POU6F2: variants seen among roughly 807,000 people sequenced by gnomAD.
POU6F2 encodes POU domain, class 6, transcription factor 2.
A neutral mutation model predicts 71.3 loss-of-function variants in POU6F2; 31 were observed. The ratio of observed to expected loss-of-function variants is 0.43; its 90% CI spans 0.33 to 0.59. POU6F2 has a LOEUF of 0.59. Among genes scored for constraint, POU6F2 ranks in the 20% least tolerant of loss-of-function variants. POU6F2 has a pLI of 0.04. For missense variants in POU6F2, 783 were observed against 856.8 expected, an observed-to-expected ratio of 0.91 and a Z score of 1.07; for synonymous variants, 347 against 355.7, an observed-to-expected ratio of 0.98 and a Z score of 0.27.
At chr7:39,319,439 C>T (rs1413806533) in intron 4 of POU6F2, among the ~76,000 whole-genome samples, 1 of 152,102 alleles carries the variant, frequency 6.6e-6, no homozygotes, top group Non-Finnish European at 1.5e-5. Flanking sequence ...TTGGAAACCT[C>T]CCAATCCTGG....
chr7:39,087,798 T>C (rs1053887779), intron 2 of POU6F2, among the ~76,000 whole-genome samples: 1 of 152,208 alleles, frequency 6.6e-6, no homozygotes, highest in African/African-American at 2.4e-5. Context: ...ACTTGTTTTC[T>C]TTCAAGTAAT....
At chr7:39,169,990 C>T (rs1584580274) in intron 2 of POU6F2, among the ~76,000 whole-genome samples, 1 of 152,148 alleles carries the variant, frequency 6.6e-6, no homozygotes, top group African/African-American at 2.4e-5. Flanking sequence ...CGAGACCAGC[C>T]TGGCCAACAT....
At chr7:39,020,468 G>C (rs1389421732) in intron 1 of POU6F2, among the ~76,000 whole-genome samples, 2 of 152,058 alleles carry the variant, frequency 1.3e-5, no homozygotes, top group African/African-American at 4.8e-5. Context: ...GGGCTAAATG[G>C]TATTTCTTCT....
At chr7:39,204,614 C>T (rs534566279) in intron 3 of POU6F2, among the ~76,000 whole-genome samples, 32 of 151,490 alleles carry the variant, frequency 2.1e-4, no homozygotes, top group South Asian at 4.2e-4. Flanking sequence ...TGTTGGTTAC[C>T]GTGCAGTTTC....
chr7:39,178,410 G>A (rs1793371917), intron 2 of POU6F2, among the ~76,000 whole-genome samples: 1 of 151,816 alleles, frequency 6.6e-6, no homozygotes, highest in Non-Finnish European at 1.5e-5. Flanking sequence ...TCTATAATTT[G>A]ATTATAAAAG....
At chr7:39,398,282 A>C (rs1787219855) in intron 5 of POU6F2, among the ~76,000 whole-genome samples, 1 of 152,156 alleles carries the variant, frequency 6.6e-6, no homozygotes, top group Non-Finnish European at 1.5e-5. Flanking sequence ...AAGTAAGTGA[A>C]TAATATAATA....
intron 1 of POU6F2, among the ~76,000 whole-genome samples, chr7:39,028,345 T>G (rs1475863230): frequency 6.6e-6 from 1 of 152,148 alleles, no homozygotes. Flanking sequence ...TTTAAAACTA[T>G]TTCATGTTTG....
intron 2 of POU6F2, among the ~76,000 whole-genome samples, chr7:39,200,715 T>G (rs923949544): frequency 3.3e-5 from 5 of 152,202 alleles, no homozygotes; most frequent in Middle Eastern, 3.4e-3. Flanking sequence ...ATTATTAGAT[T>G]AAATACAATT....
chr7:39,376,853 T>C (rs568994086), intron 5 of POU6F2, among the ~76,000 whole-genome samples: 1 of 151,108 alleles, frequency 6.6e-6, no homozygotes, highest in Non-Finnish European at 1.5e-5. Context: ...TATTTTAATA[T>C]TACTTTAGTA....
intron 7 of POU6F2, among the ~76,000 whole-genome samples, chr7:39,449,192 G>T (rs1324405724): frequency 1.3e-5 from 2 of 152,182 alleles, no homozygotes; most frequent in Non-Finnish European, 2.9e-5. Flanking sequence ...CTGCACTATG[G>T]GGTGGGAGCC....
chr7:39,410,619 T>C (rs969931212), intron 6 of POU6F2, among the ~76,000 whole-genome samples: 5 of 152,192 alleles, frequency 3.3e-5, no homozygotes, highest in African/African-American at 1.2e-4. Context: ...TTGAGCTCTC[T>C]GAGCCTCGGT....
At chr7:39,187,279 C>G (rs971523567) in intron 2 of POU6F2, among the ~76,000 whole-genome samples, 1 of 152,202 alleles carries the variant, frequency 6.6e-6, no homozygotes, top group African/African-American at 2.4e-5. Context: ...CTTGCTAGAT[C>G]CCTGCCTGGG....
intron 4 of POU6F2, among the ~76,000 whole-genome samples, chr7:39,335,608 G>A (rs1367794541): frequency 2.0e-5 from 3 of 152,204 alleles, no homozygotes; most frequent in Non-Finnish European, 2.9e-5. Flanking sequence ...ACTTGGGAAG[G>A]TCACTTAACC....
At chr7:39,085,343 C>CT (rs1056105627) in intron 1 of POU6F2, among the ~76,000 whole-genome samples, 2 of 151,982 alleles carry the variant, frequency 1.3e-5, no homozygotes, top group Non-Finnish European at 2.9e-5. Flanking sequence ...TTCTCCCTAT[C>CT]TTTTTTCTCT....
chr7:39,412,904 C>A (rs1163826082), intron 6 of POU6F2, among the ~76,000 whole-genome samples: 1 of 145,432 alleles, frequency 6.9e-6, no homozygotes, highest in Admixed American at 7.1e-5. Flanking sequence ...AGGTGCATGC[C>A]ATTCTCCTGC....
At chr7:39,316,560 G>A (rs1476104384) in intron 4 of POU6F2, among the ~76,000 whole-genome samples, 1 of 152,082 alleles carries the variant, frequency 6.6e-6, no homozygotes, top group Non-Finnish European at 1.5e-5. Flanking sequence ...AGCAGCTCTG[G>A]GGATACCCAG....
intron 6 of POU6F2, among the ~76,000 whole-genome samples, chr7:39,420,627 A>G (rs1787829446): frequency 6.6e-6 from 1 of 152,236 alleles, no homozygotes. Context: ...TTTTTTTAGC[A>G]AAGTTAAATA....
At chr7:39,178,853 C>T (rs1793379539) in intron 2 of POU6F2, among the ~76,000 whole-genome samples, 1 of 152,212 alleles carries the variant, frequency 6.6e-6, no homozygotes, top group Non-Finnish European at 1.5e-5. Context: ...CAGATAGTTC[C>T]ATCCCATCAG....
In POU6F2 at chr7:39,258,825, G is replaced by C. The variant is rs569286077; in HGVS notation, c.598+51205G>C. Among the ~76,000 whole-genome samples, 3 of 152,120 alleles carry C rather than the reference G, an allele frequency of 2.0e-5. No individual in the cohort carries two copies. In the South Asian group the frequency reaches 6.2e-4, roughly 32 times the overall value. On this transcript the variant is annotated intron_variant, in intron 4 of 9. Transcript: ENST00000518318. ...CTACAAACCACCTTGCTCATTTCAC[G>C]TGACAAAGAATGCAAAGGTAAATGG... is the stretch of plus-strand genomic sequence containing the variant.
Sources: allele counts gnomAD v4.1 joint callset (sites outside exome capture counted in the v4.1 genomes callset), GRCh38; gene constraint gnomAD v4.1.1; transcripts MANE v1.5; gene names NCBI Gene and HGNC (gene_info 2026-07-23, HGNC 2026-07-21).